RORA: variants seen among roughly 807,000 people sequenced by gnomAD.
RORA encodes RAR related orphan receptor A.
RORA carries 7 observed loss-of-function variants against 69.5 expected under a neutral mutation model. The observed-to-expected ratio is 0.10, with a 90% CI of 0.06 to 0.19. The LOEUF (loss-of-function observed/expected upper bound fraction) is 0.19, where lower values mean the gene tolerates loss of function less well. Among genes scored for constraint, RORA ranks in the 10% least tolerant of loss-of-function variants. The probability of loss-of-function intolerance (pLI) is 1.00; values close to 1 mark genes in which losing one functional copy is unlikely to be tolerated. For synonymous variants in RORA, 261 were observed against 240.8 expected (o/e 1.08, Z -0.78); for missense variants, 457 against 663.0 (o/e 0.69, Z 3.41).
intron 1 of RORA, among the ~76,000 whole-genome samples, chr15:61,075,543 G>C (rs1438260172): frequency 2.0e-5 from 3 of 152,168 alleles, no homozygotes; most frequent in Non-Finnish European, 2.9e-5. Flanking sequence ...GGAGAAGTAA[G>C]GGTTTGGGTT....
chr15:61,119,018 G>A (rs1345838065), intron 1 of RORA, among the ~76,000 whole-genome samples: 2 of 146,270 alleles, frequency 1.4e-5, no homozygotes, highest in Non-Finnish European at 3.0e-5. Flanking sequence ...GGAGTTTTTG[G>A]AAGATGAACA....
intron 1 of RORA, among the ~76,000 whole-genome samples, chr15:60,705,857 A>T (rs1271209013): frequency 6.6e-6 from 1 of 152,190 alleles, no homozygotes; most frequent in Non-Finnish European, 1.5e-5. Context: ...CTCTCTTAGA[A>T]ATAATAATAC....
intron 1 of RORA, among the ~76,000 whole-genome samples, chr15:60,780,540 T>A (rs1364357803): frequency 6.6e-6 from 1 of 152,256 alleles, no homozygotes; most frequent in Non-Finnish European, 1.5e-5. Context: ...TGATGTTTCA[T>A]GTGAGAAACT....
intron 1 of RORA, among the ~76,000 whole-genome samples, chr15:60,896,791 G>T (rs1004634852): frequency 8.9e-5 from 13 of 146,590 alleles, no homozygotes; most frequent in African/African-American, 3.3e-4. Context: ...GAATGACACA[G>T]GCCTGAGTGG....
chr15:60,726,557 G>A (rs1446728874), intron 1 of RORA, among the ~76,000 whole-genome samples: 2 of 152,312 alleles, frequency 1.3e-5, no homozygotes, highest in African/African-American at 4.8e-5. Context: ...TTTCGTTGCT[G>A]CTGGAAAATC....
At chr15:61,228,399 C>G (rs1054352014) in intron 1 of RORA, among the ~76,000 whole-genome samples, 1 of 152,060 alleles carries the variant, frequency 6.6e-6, no homozygotes, top group Admixed American at 6.5e-5. Context: ...CCCGCCCGCA[C>G]CCCGCTTCCT....
intron 1 of RORA, among the ~76,000 whole-genome samples, chr15:60,855,728 C>T (rs1250845653): frequency 6.8e-6 from 1 of 146,780 alleles, no homozygotes; most frequent in Non-Finnish European, 1.5e-5. Context: ...TTAAGCGATT[C>T]TCCTGCCTCA....
chr15:60,630,425 A>AT (rs1345317400), intron 2 of RORA: 1 of 152,148 alleles, frequency 6.6e-6, no homozygotes, highest in East Asian at 1.9e-4. Flanking sequence ...GAACTCTGCT[A>AT]TTTTTCATCC....
intron 1 of RORA, among the ~76,000 whole-genome samples, chr15:61,127,491 A>G (rs567211189): frequency 1.1e-4 from 17 of 152,320 alleles, no homozygotes; most frequent in Middle Eastern, 3.4e-3. Context: ...CTGACTTGAA[A>G]TGTCTGGCAA....
chr15:60,557,685 T>C (rs927482395), intron 2 of RORA, among the ~76,000 whole-genome samples: 2 of 152,212 alleles, frequency 1.3e-5, no homozygotes, highest in Non-Finnish European at 2.9e-5. Context: ...ACTTTCTGGA[T>C]AGTTCTCTCA....
At chr15:61,074,653 T>C (rs1447673285) in intron 1 of RORA, among the ~76,000 whole-genome samples, 2 of 152,208 alleles carry the variant, frequency 1.3e-5, no homozygotes, top group Non-Finnish European at 2.9e-5. Context: ...ACTGGACTAT[T>C]CCAAGGGAAA....
chr15:60,510,252 G>A (rs916558256), intron 5 of RORA, among the ~76,000 whole-genome samples: 11 of 152,238 alleles, frequency 7.2e-5, no homozygotes, highest in Admixed American at 3.3e-4. Context: ...GAACCACCAG[G>A]AGGAGCAGAT....
At chr15:61,069,641 CCA>C (rs1363829868) in intron 1 of RORA, among the ~76,000 whole-genome samples, 1 of 151,802 alleles carries the variant, frequency 6.6e-6, no homozygotes, top group Non-Finnish European at 1.5e-5. Context: ...ATTGATTAAT[CCA>C]CATTGTGAAA....
At chr15:61,112,837 C>T (rs1300678559) in intron 1 of RORA, among the ~76,000 whole-genome samples, 4 of 152,200 alleles carry the variant, frequency 2.6e-5, no homozygotes, top group Non-Finnish European at 5.9e-5. Context: ...AGTCAGATGC[C>T]GTTCAGGGAC....
rs368200982 is a variant in RORA, at chr15:60,923,768, A to G, written c.167-245082T>C. On this transcript the variant is annotated intron_variant, in intron 1 of 10. Coordinates refer to ENST00000335670, the MANE Select transcript of RORA (RefSeq NM_134261.3). ...CTTCTGTGTCATTTATGTTCCCACT[A>G]CAGATCACAGTGGCAACAACCCCAC... 1.2e-4 allele frequency among the ~76,000 whole-genome samples: 19 copies of G among 152,246 alleles called. 1 individual carries two copies. The highest frequency in any genetic ancestry group is 8.5e-4 in the Admixed American group (13 of 15,296).
At chr15:60,941,821 G>A (rs1892705400) in intron 1 of RORA, among the ~76,000 whole-genome samples, 2 of 152,202 alleles carry the variant, frequency 1.3e-5, no homozygotes, top group South Asian at 4.1e-4. Flanking sequence ...AGGTAAGGAA[G>A]GGTTTTAAAT....
chr15:61,027,795 G>T (rs1407521029), intron 1 of RORA, among the ~76,000 whole-genome samples: 1 of 152,096 alleles, frequency 6.6e-6, no homozygotes, highest in Non-Finnish European at 1.5e-5. Context: ...TGGGATAAAG[G>T]CCAAATTACA....
Position 61,050,780 on chromosome 15 carries a change from G to A in RORA, c.166+178273C>T, listed in dbSNP as rs28563963. The stretch of plus-strand genomic sequence containing the variant: ...AGGCACCATCCCAGTTGCTTTCCAT[G>A]AAGGATTGCTCTTTAATTCTTATCA... On this transcript the variant is annotated intron_variant, in intron 1 of 10. Coordinates refer to ENST00000335670, the MANE Select transcript of RORA (RefSeq NM_134261.3). 7.9e-3 allele frequency among the ~76,000 whole-genome samples: 1,200 copies of A among 152,262 alleles called. 12 individuals carry two copies. The highest frequency in any genetic ancestry group is 0.031 in the South Asian group (150 of 4,818).
chr15:60,876,310 G>GC (rs1555459443), intron 1 of RORA, among the ~76,000 whole-genome samples: 1 of 35,602 alleles, frequency 2.8e-5, no homozygotes, highest in Non-Finnish European at 6.2e-5. Flanking sequence ...CTTACAGGAA[G>GC]TGGGGGGGGG....
Sources: gnomAD v4.1 joint callset for allele counts (sites outside exome capture counted in the v4.1 genomes callset) on GRCh38, gnomAD v4.1.1 for gene constraint, MANE v1.5 for transcripts, NCBI Gene and HGNC (gene_info 2026-07-23, HGNC 2026-07-21) for gene names.